The following CEP70 variants were observed in gnomAD, a reference collection of about 807,000 sequenced individuals.
The protein encoded by CEP70 is centrosomal protein 70, also known as centrosomal protein of 70 kDa.
In CEP70, 70 loss-of-function variants were observed where a neutral mutation model predicts 90.9. That is an observed-to-expected ratio of 0.77 (90% CI 0.64 to 0.94). The LOEUF is 0.94. CEP70 is among the 40% of genes least tolerant of loss of function. The pLI is 0.00. For synonymous variants in CEP70, 220 were observed against 228.3 expected (o/e 0.96, Z 0.33); for missense variants, 648 against 669.0 (o/e 0.97, Z 0.35).
intron 10 of CEP70, among the ~76,000 whole-genome samples, chr3:138,527,311 C>T (rs1009099484): frequency 1.3e-5 from 2 of 149,804 alleles, no homozygotes; most frequent in Non-Finnish European, 3.0e-5. Context: ...TGCAGGAGTA[C>T]GCTACCATGC....
At chr3:138,544,560 T>C (rs553681721) in intron 6 of CEP70, among the ~76,000 whole-genome samples, 1 of 151,826 alleles carries the variant, frequency 6.6e-6, no homozygotes, top group East Asian at 1.9e-4. Context: ...TGTATATATA[T>C]ACACACATAT....
intron 11 of CEP70, among the ~76,000 whole-genome samples, chr3:138,523,450 T>C (rs1355305157): frequency 7.9e-5 from 12 of 152,112 alleles, no homozygotes; most frequent in East Asian, 3.9e-4. Flanking sequence ...TGTTTGCAGA[T>C]GACATGATTG....
At chr3:138,559,304 A>G (rs1412722359) in intron 6 of CEP70, among the ~76,000 whole-genome samples, 1 of 152,244 alleles carries the variant, frequency 6.6e-6, no homozygotes, top group Non-Finnish European at 1.5e-5. Context: ...GGCAGAAACA[A>G]TATTTGAAGA....
chr3:138,581,178 G>A (rs1448016305), intron 2 of CEP70, among the ~76,000 whole-genome samples: 2 of 151,678 alleles, frequency 1.3e-5, no homozygotes, highest in South Asian at 2.1e-4. Context: ...CCAGCTACTC[G>A]GGAGGCTGAG....
chr3:138,507,180 T>A (rs4894347), intron 12 of CEP70, among the ~76,000 whole-genome samples: 103 of 152,178 alleles, frequency 6.8e-4, no homozygotes, highest in Admixed American at 5.6e-3. Flanking sequence ...ACAATAGCAA[T>A]AAAAGTTATA....
In CEP70 at chr3:138,532,509, C is replaced by T. The variant is rs763284313; in HGVS notation, c.692+5G>A. ...TTAAAAACTGTAATACAGGATTACT[C>T]GTACCTTTGTGTATGAATTTTTCTA... On this transcript the variant is annotated splice_donor_5th_base_variant and intron_variant, in intron 8 of 17. Coordinates refer to ENST00000264982, the MANE Select transcript of CEP70 (RefSeq NM_024491.4). The T allele has an allele frequency of 1.5e-5, 22 of 1,499,300 alleles. No homozygotes were observed. In the East Asian group the frequency reaches 2.6e-4, roughly 17 times the overall value. 92.9% of individuals were successfully genotyped at this position (1,499,300 alleles called of 1,614,324 possible).
Position 138,583,973 on chromosome 3 carries a change from GAAC to G in CEP70, c.-6+7878_-6+7880del, listed in dbSNP as rs200253257. ...TGAAATTGAAACAAATAAGACATAA[GAAC>G]AATAAAACAAAAAGTTGGTTTTTTG... On this transcript the variant is annotated intron_variant, in intron 2 of 17. Transcript: ENST00000264982. Among the ~76,000 whole-genome samples, 856 of 151,778 alleles carry G rather than the reference GAAC, an allele frequency of 5.6e-3. 7 individuals carry two copies. The highest frequency in any genetic ancestry group is 0.02 in the African/African-American group (824 of 41,454).
intron 10 of CEP70, among the ~76,000 whole-genome samples, chr3:138,526,609 A>G (rs1320722958): frequency 2.0e-5 from 3 of 152,226 alleles, no homozygotes; most frequent in Admixed American, 2.0e-4. Flanking sequence ...TACTGTCAAC[A>G]TAGAGAGTGT....
chr3:138,555,017 G>A (rs1210058111), intron 6 of CEP70, among the ~76,000 whole-genome samples: 1 of 152,156 alleles, frequency 6.6e-6, no homozygotes, highest in East Asian at 1.9e-4. Flanking sequence ...CACTCTGGGA[G>A]GCGGGTAGAT....
At chr3:138,547,790 A>G (rs1227121297) in intron 6 of CEP70, among the ~76,000 whole-genome samples, 2 of 152,168 alleles carry the variant, frequency 1.3e-5, no homozygotes. Flanking sequence ...AAGGTGGAAA[A>G]GGGATGATTC....
chr3:138,564,613 T>C (rs996149019), intron 6 of CEP70, among the ~76,000 whole-genome samples: 2 of 152,154 alleles, frequency 1.3e-5, no homozygotes, highest in African/African-American at 4.8e-5. Flanking sequence ...ATTATCTCAA[T>C]AGATGCAGAA....
intron 7 of CEP70, among the ~76,000 whole-genome samples, chr3:138,534,031 G>A (rs561116159): frequency 1.9e-4 from 29 of 152,286 alleles, no homozygotes; most frequent in East Asian, 1.2e-3. Context: ...TGATCCGCCC[G>A]CCTCGGCCTC....
At position 138,508,598 on chromosome 3, in the gene CEP70, C is replaced by T. The variant is rs2035214909; in HGVS notation, c.945-54G>A. The T allele has an allele frequency of 1.5e-5, 17 of 1,110,050 alleles. No individual in the cohort carries two copies. The South Asian group carries it at 2.1e-4, about 14-fold the overall frequency. The allele number at this position is 1,110,050 out of a possible 1,614,324, so 68.8% of individuals were successfully genotyped here. A position where few individuals can be genotyped will look rare whatever the true frequency, so the allele number is the denominator to read the frequency against. Reference sequence around the variant, plus strand: ...ACAAAATTACTTCCTAGACACTGGACCAAGATGATAAACTAAGTCAATGAT... The same window carrying T: ...ACAAAATTACTTCCTAGACACTGGATCAAGATGATAAACTAAGTCAATGAT... On this transcript the variant is annotated intron_variant, in intron 11 of 17. Transcript: ENST00000264982.
intron 16 of CEP70, among the ~76,000 whole-genome samples, chr3:138,499,644 T>A (rs1437781748): frequency 1.3e-5 from 2 of 152,128 alleles, no homozygotes; most frequent in Non-Finnish European, 2.9e-5. Context: ...ACTTAAAAGA[T>A]GCTATTCCAA....
At chr3:138,540,216 C>A (rs2038636956) in intron 6 of CEP70, among the ~76,000 whole-genome samples, 1 of 151,978 alleles carries the variant, frequency 6.6e-6, no homozygotes, top group East Asian at 1.9e-4. Flanking sequence ...AAGCTTAGGC[C>A]AGGCGCGGTG....
At chr3:138,540,553 A>G (rs935977223) in intron 6 of CEP70, among the ~76,000 whole-genome samples, 1 of 151,962 alleles carries the variant, frequency 6.6e-6, no homozygotes, top group African/African-American at 2.4e-5. Context: ...ATGAGATACC[A>G]TCTCACACCA....
At position 138,508,539 on chromosome 3, in the gene CEP70, T is replaced by G. The variant is rs1264489584; in HGVS notation, c.950A>C (p.Gln317Pro). 1.3e-6 allele frequency: 2 copies of G among 1,596,086 alleles called. No homozygotes were observed. The highest frequency in any genetic ancestry group is 1.1e-5 in the South Asian group (1 of 90,742). ...EKALKKNVKL[Q>P]ELINHKKAED... is the part of the protein sequence containing the mutation. The stretch of plus-strand genomic sequence containing the variant: ...AGCCTTCTTATGATTAATAAGCTCC[T>G]GTAATCTAAAAGGGGGAAAAAAATC... The change falls in exon 12 of 18, where the codon CAG becomes CCG. Residue 317 changes from glutamine to proline, a missense_variant. Coordinates refer to ENST00000264982, the MANE Select transcript of CEP70 (RefSeq NM_024491.4).
intron 11 of CEP70, among the ~76,000 whole-genome samples, chr3:138,518,446 TG>T (rs2036273074): frequency 6.6e-6 from 1 of 152,184 alleles, no homozygotes. Context: ...AGGGGCAGAC[TG>T]ACATCTCACA....
intron 11 of CEP70, among the ~76,000 whole-genome samples, chr3:138,519,297 G>A (rs2036370040): frequency 6.6e-6 from 1 of 152,108 alleles, no homozygotes; most frequent in South Asian, 2.1e-4. Context: ...ATCTAGCAAG[G>A]CAGGCCAACA....
Sources: gnomAD v4.1 joint callset for allele counts (sites outside exome capture counted in the v4.1 genomes callset) on GRCh38, gnomAD v4.1.1 for gene constraint, MANE v1.5 for transcripts, NCBI Gene and HGNC (gene_info 2026-07-23, HGNC 2026-07-21) for gene names.